Variants in KHDRBS2 observed in about 807,000 individuals in gnomAD.
KHDRBS2 encodes KH domain-containing, RNA-binding, signal transduction-associated protein 2.
Under a neutral mutation model 44.3 loss-of-function variants are expected in KHDRBS2, and 26 were observed. The observed-to-expected ratio is 0.59, with a 90% CI of 0.43 to 0.81. The LOEUF (loss-of-function observed/expected upper bound fraction) is 0.81. Among genes scored for constraint, KHDRBS2 ranks in the 40% least tolerant of loss-of-function variants. The pLI, the probability that KHDRBS2 is intolerant of heterozygous loss-of-function variation, is 0.00. For missense variants in KHDRBS2, 476 were observed against 433.1 expected (o/e 1.10, Z -0.88); for synonymous variants, 194 against 151.1 (o/e 1.28, Z -2.08).
chr6:61,857,144 G>A (rs1796270540), intron 6 of KHDRBS2, among the ~76,000 whole-genome samples: 1 of 151,946 alleles, frequency 6.6e-6, no homozygotes, highest in Admixed American at 6.6e-5. Flanking sequence ...CTTCACGGAG[G>A]TCCTTTTCTT....
chr6:62,118,408 C>CT (rs1806799638), intron 2 of KHDRBS2, among the ~76,000 whole-genome samples: 1 of 151,914 alleles, frequency 6.6e-6, no homozygotes, highest in Non-Finnish European at 1.5e-5. Context: ...AATTTGGGGA[C>CT]TTTTTTCTTT....
At chr6:62,007,842 A>G (rs554897957) in intron 3 of KHDRBS2, among the ~76,000 whole-genome samples, 1 of 152,170 alleles carries the variant, frequency 6.6e-6, no homozygotes, top group Non-Finnish European at 1.5e-5. Context: ...ATAAAGGCGT[A>G]TTTGATGCTG....
chr6:62,066,683 G>A (rs1336636369), intron 2 of KHDRBS2, among the ~76,000 whole-genome samples: 1 of 151,600 alleles, frequency 6.6e-6, no homozygotes, highest in African/African-American at 2.4e-5. Context: ...AATCCATTAA[G>A]AGGGGCTTAT....
intron 6 of KHDRBS2, among the ~76,000 whole-genome samples, chr6:61,832,008 A>G (rs1791904049): frequency 6.6e-6 from 1 of 152,158 alleles, no homozygotes; most frequent in Admixed American, 6.5e-5. Context: ...TGGGAGACCA[A>G]GGTGGGAGGA....
intron 6 of KHDRBS2, among the ~76,000 whole-genome samples, chr6:61,840,103 C>T (rs185062048): frequency 2.3e-4 from 35 of 152,210 alleles, no homozygotes; most frequent in South Asian, 4.1e-4. Context: ...GGAAAGGTCA[C>T]ATTCAAAGCA....
At chr6:61,549,469 C>T in the KHDRBS2 span, among the ~76,000 whole-genome samples, 2 of 151,854 alleles carry the variant, frequency 1.3e-5, no homozygotes, top group Non-Finnish European at 2.9e-5. Flanking sequence ...AGCAATAAGC[C>T]CATTGCATGT....
intron 1 of KHDRBS2, among the ~76,000 whole-genome samples, chr6:62,244,845 CA>C (rs1563127076): frequency 1.3e-5 from 2 of 152,010 alleles, no homozygotes; most frequent in African/African-American, 4.8e-5. Flanking sequence ...ATTGTATCTG[CA>C]GACGTTTGTG....
At chr6:62,233,945 A>G (rs1833291173) in intron 1 of KHDRBS2, among the ~76,000 whole-genome samples, 1 of 152,036 alleles carries the variant, frequency 6.6e-6, no homozygotes, top group Admixed American at 6.6e-5. Context: ...TACAAGGAAC[A>G]TATGTGTGCA....
intron 6 of KHDRBS2, among the ~76,000 whole-genome samples, chr6:61,869,263 C>A (rs1798244309): frequency 6.6e-6 from 1 of 152,162 alleles, no homozygotes; most frequent in Non-Finnish European, 1.5e-5. Flanking sequence ...TGCACTGTAG[C>A]TGCTTCTTCA....
At chr6:62,071,032 T>G (rs1354908601) in intron 2 of KHDRBS2, among the ~76,000 whole-genome samples, 1 of 151,768 alleles carries the variant, frequency 6.6e-6, no homozygotes, top group Non-Finnish European at 1.5e-5. Flanking sequence ...GATCGCCATT[T>G]AACTGGTGTG....
chr6:62,011,171 G>A (rs1780219566), intron 3 of KHDRBS2, among the ~76,000 whole-genome samples: 1 of 152,098 alleles, frequency 6.6e-6, no homozygotes, highest in East Asian at 1.9e-4. Context: ...TTAAGGTTTT[G>A]CCTTCCATTC....
the KHDRBS2 span, among the ~76,000 whole-genome samples, chr6:61,546,280 T>G: frequency 6.6e-6 from 1 of 151,848 alleles, no homozygotes; most frequent in Admixed American, 6.6e-5. Context: ...AAAATATTTA[T>G]GAAATAGAAT....
chr6:62,030,323 G>A (rs945139347), intron 3 of KHDRBS2, among the ~76,000 whole-genome samples: 1 of 152,006 alleles, frequency 6.6e-6, no homozygotes, highest in African/African-American at 2.4e-5. Context: ...CAATTCTTCA[G>A]AGAAGGTTAA....
At chr6:62,095,800 C>G (rs1800472459) in intron 2 of KHDRBS2, among the ~76,000 whole-genome samples, 1 of 151,800 alleles carries the variant, frequency 6.6e-6, no homozygotes, top group Admixed American at 6.6e-5. Context: ...TGTTCCTGAT[C>G]TTAGAGAGAA....
intron 2 of KHDRBS2, among the ~76,000 whole-genome samples, chr6:62,059,768 G>T (rs1162635484): frequency 6.6e-6 from 1 of 151,722 alleles, no homozygotes; most frequent in African/African-American, 2.4e-5. Context: ...TTCAAGTCAT[G>T]AAATTGCTAA....
the KHDRBS2 span, among the ~76,000 whole-genome samples, chr6:61,567,143 A>G: frequency 6.6e-6 from 1 of 152,218 alleles, no homozygotes; most frequent in African/African-American, 2.4e-5. Context: ...ATCTGTTTCA[A>G]TGATTACATT....
chr6:61,964,457 T>C (rs189334172), intron 4 of KHDRBS2, among the ~76,000 whole-genome samples: 137 of 152,042 alleles, frequency 9.0e-4, no homozygotes, highest in African/African-American at 3.2e-3. Context: ...CATTTGCAAA[T>C]AGCATATTCA....
intron 4 of KHDRBS2, among the ~76,000 whole-genome samples, chr6:61,953,716 A>T (rs184791848): frequency 2.3e-3 from 344 of 152,232 alleles, no homozygotes; most frequent in Non-Finnish European, 4.0e-3. Context: ...TGCTCTAGAA[A>T]TCAAAACAAT....
chr6:62,284,695 G>A (rs1842237207), intron 1 of KHDRBS2, among the ~76,000 whole-genome samples: 1 of 151,512 alleles, frequency 6.6e-6, no homozygotes, highest in African/African-American at 2.4e-5. Flanking sequence ...TTTCCTAATT[G>A]TTTAGTATTT....
Sources: gnomAD v4.1 joint callset for allele counts (sites outside exome capture counted in the v4.1 genomes callset) on GRCh38, gnomAD v4.1.1 for gene constraint, MANE v1.5 for transcripts, NCBI Gene and HGNC (gene_info 2026-07-23, HGNC 2026-07-21) for gene names.